THSD4: variants seen among roughly 807,000 people sequenced by gnomAD.
The protein encoded by THSD4 is thrombospondin type 1 domain containing 4.
In THSD4, 69 loss-of-function variants were observed where a neutral mutation model predicts 119.0. The ratio of observed to expected loss-of-function variants is 0.58; its 90% CI spans 0.48 to 0.71. The LOEUF is 0.71. THSD4 is among the 30% of genes least tolerant of loss of function. The pLI is 0.00. For synonymous variants in THSD4, 524 were observed against 540.4 expected (o/e 0.97, Z 0.42); for missense variants, 1,393 against 1,391.1 (o/e 1.00, Z -0.02).
Position 71,277,331 on chromosome 15 carries a change from G to A in THSD4, c.1015+20616G>A, listed in dbSNP as rs76662038. Among the ~76,000 whole-genome samples the A allele has an allele frequency of 3.0e-3, 450 of 152,050 alleles. 1 individual carries two copies. The highest frequency in any genetic ancestry group is 4.3e-3 in the Non-Finnish European group (295 of 67,990). ...AGTAGAGACAGGGTTTTACCATGTC[G>A]GCTAGGTTGGTCTCAAACTCTCGAC... is the stretch of plus-strand genomic sequence containing the variant. On this transcript the variant is annotated intron_variant, in intron 6 of 17. Coordinates refer to ENST00000261862, the MANE Select transcript of THSD4 (RefSeq NM_024817.3).
At chr15:71,619,121 C>T (rs1182768937) in intron 7 of THSD4, among the ~76,000 whole-genome samples, 3 of 151,866 alleles carry the variant, frequency 2.0e-5, no homozygotes, top group Non-Finnish European at 4.4e-5. Context: ...AGGTGCCCAC[C>T]ACCACGCCCG....
At chr15:71,548,472 T>A (rs376780800) in intron 7 of THSD4, among the ~76,000 whole-genome samples, 2 of 152,176 alleles carry the variant, frequency 1.3e-5, no homozygotes, top group East Asian at 3.9e-4. Flanking sequence ...GAAGTGGGAG[T>A]GCTCCCAAGC....
intron 8 of THSD4, among the ~76,000 whole-genome samples, chr15:71,690,453 G>A (rs555368815): frequency 3.9e-5 from 6 of 152,284 alleles, no homozygotes; most frequent in Admixed American, 1.3e-4. Context: ...TGACTGGGGC[G>A]TGGGGACCTG....
At chr15:71,484,862 G>C (rs1212297701) in intron 7 of THSD4, among the ~76,000 whole-genome samples, 1 of 152,138 alleles carries the variant, frequency 6.6e-6, no homozygotes, top group African/African-American at 2.4e-5. Context: ...AAGAGGTCAA[G>C]GACTTCTGAC....
At chr15:71,110,538 C>T (rs2040295395), upstream of THSD4, 2 of 153,314 alleles carry the variant, frequency 1.3e-5, no homozygotes, top group African/African-American at 4.8e-5. Flanking sequence ...GACATACTTC[C>T]ATATCAGCTG....
intron 7 of THSD4, among the ~76,000 whole-genome samples, chr15:71,651,339 CCCAGTCT>C (rs1347355079): frequency 6.6e-6 from 1 of 152,204 alleles, no homozygotes; most frequent in Non-Finnish European, 1.5e-5. Context: ...CTGTGTGTGT[CCCAGTCT>C]CCAGTCTCTT....
At chr15:71,303,030 T>C (rs1217575423) in intron 6 of THSD4, among the ~76,000 whole-genome samples, 1 of 151,918 alleles carries the variant, frequency 6.6e-6, no homozygotes, top group East Asian at 1.9e-4. Flanking sequence ...GAGGTCTGCA[T>C]GTATGAGTTG....
intron 7 of THSD4, among the ~76,000 whole-genome samples, chr15:71,532,703 T>C (rs1018557625): frequency 4.6e-5 from 7 of 152,222 alleles, no homozygotes; most frequent in South Asian, 2.1e-4. Context: ...GTTTATAATA[T>C]AGATGTTTGA....
intron 7 of THSD4, among the ~76,000 whole-genome samples, chr15:71,428,269 T>C (rs999480939): frequency 2.6e-4 from 39 of 152,146 alleles, no homozygotes; most frequent in African/African-American, 9.2e-4. Flanking sequence ...ACAAGGCACA[T>C]AATAAAACTT....
intron 4 of THSD4, among the ~76,000 whole-genome samples, chr15:71,234,971 A>G (rs762630370): frequency 2.0e-5 from 3 of 152,210 alleles, no homozygotes; most frequent in Non-Finnish European, 4.4e-5. Flanking sequence ...GGCACTTGAG[A>G]AGGACTATTC....
At chr15:71,562,093 C>T (rs1478454789) in intron 7 of THSD4, among the ~76,000 whole-genome samples, 1 of 152,132 alleles carries the variant, frequency 6.6e-6, no homozygotes, top group Non-Finnish European at 1.5e-5. Context: ...TGCCCAGGAC[C>T]ACACAGTTGT....
chr15:71,341,070 C>T (rs1262129879), intron 6 of THSD4: 2 of 961,536 alleles, frequency 2.1e-6, no homozygotes, highest in Non-Finnish European at 3.2e-6. Flanking sequence ...CTTTTGTTGC[C>T]TTGCCTTTTC....
At chr15:71,125,000 G>A (rs1389114114) in intron 1 of THSD4, among the ~76,000 whole-genome samples, 1 of 152,120 alleles carries the variant, frequency 6.6e-6, no homozygotes, top group African/African-American at 2.4e-5. Flanking sequence ...TTGAGCCCAG[G>A]AGTTTTGAGG....
intron 6 of THSD4, among the ~76,000 whole-genome samples, chr15:71,403,311 A>G (rs1366613721): frequency 6.6e-6 from 1 of 152,162 alleles, no homozygotes; most frequent in East Asian, 1.9e-4. Context: ...TCTCCTAAGG[A>G]TTGATAATTT....
At chr15:71,345,140 T>A (rs184682017) in intron 6 of THSD4, among the ~76,000 whole-genome samples, 1 of 148,902 alleles carries the variant, frequency 6.7e-6, no homozygotes, top group East Asian at 2.0e-4. Flanking sequence ...TAATTATATA[T>A]GTGATTTCTC....
At chr15:71,562,668 C>T (rs1165951952) in intron 7 of THSD4, among the ~76,000 whole-genome samples, 2 of 150,796 alleles carry the variant, frequency 1.3e-5, no homozygotes, top group African/African-American at 4.9e-5. Flanking sequence ...CCCACCTCTT[C>T]CAGAACACCT....
At chr15:71,416,711 A>ATTTTGTTTTG (rs200092978) in intron 7 of THSD4, among the ~76,000 whole-genome samples, 1 of 87,698 alleles carries the variant, frequency 1.1e-5, no homozygotes, top group African/African-American at 4.0e-5. Context: ...ATTTTATTTT[A>ATTTTGTTTTG]TTTTGTTTTG....
intron 7 of THSD4, among the ~76,000 whole-genome samples, chr15:71,525,459 A>C (rs1309071981): frequency 6.6e-6 from 1 of 152,232 alleles, no homozygotes; most frequent in East Asian, 1.9e-4. Context: ...GAACTGGACA[A>C]GGTCAGGCAT....
At chr15:71,430,684 G>C (rs1259416801) in intron 7 of THSD4, among the ~76,000 whole-genome samples, 2 of 148,838 alleles carry the variant, frequency 1.3e-5, no homozygotes, top group South Asian at 2.1e-4. Context: ...TTGAACCCGG[G>C]AGGTGGAGGT....
Sources: gnomAD v4.1 joint callset for allele counts (sites outside exome capture counted in the v4.1 genomes callset) on GRCh38, gnomAD v4.1.1 for gene constraint, MANE v1.5 for transcripts, NCBI Gene and HGNC (gene_info 2026-07-23, HGNC 2026-07-21) for gene names.